WAC: variants seen among roughly 807,000 people sequenced by gnomAD.
The protein encoded by WAC is WW domain containing adaptor with coiled-coil.
In WAC, 11 loss-of-function variants were observed where a neutral mutation model predicts 79.6. That is an observed-to-expected ratio of 0.14 (90% CI 0.09 to 0.23). The LOEUF is 0.23. WAC is among the 10% of genes least tolerant of loss of function. The pLI is 1.00. For missense variants in WAC, 728 were observed against 773.5 expected (o/e 0.94, Z 0.70); for synonymous variants, 304 against 276.9 (o/e 1.10, Z -0.97).
rs184554628 is a variant in WAC at position 28,544,835 on chromosome 10, G to T, written c.274+9078G>T. Among the ~76,000 whole-genome samples, 7 of 152,152 alleles carry T rather than the reference G, an allele frequency of 4.6e-5. No homozygotes were observed. In the East Asian group the frequency reaches 7.7e-4, roughly 17 times the overall value. On this transcript the variant is annotated intron_variant, in intron 3 of 13. Coordinates refer to ENST00000354911, the MANE Select transcript of WAC (RefSeq NM_016628.5). ...TGCCAGCACTTTGGGAGGCCAAGGC[G>T]GGCAGATCACCTGAGCTCAGGAGTT...
At chr10:28,613,254 C>CT (rs1396039965) in intron 10 of WAC, among the ~76,000 whole-genome samples, 1 of 152,220 alleles carries the variant, frequency 6.6e-6, no homozygotes, top group African/African-American at 2.4e-5. Flanking sequence ...ATAATCCCAG[C>CT]TACTCGGGCG....
chr10:28,581,366 A>G (rs531625160), intron 3 of WAC, among the ~76,000 whole-genome samples: 1 of 147,380 alleles, frequency 6.8e-6, no homozygotes, highest in South Asian at 2.2e-4. Flanking sequence ...GGACTAGTGC[A>G]AGCCACTGTG....
At chr10:28,539,848 C>T (rs568147402) in intron 3 of WAC, among the ~76,000 whole-genome samples, 6 of 152,194 alleles carry the variant, frequency 3.9e-5, no homozygotes, top group Admixed American at 1.3e-4. Context: ...CGTGAGTCAC[C>T]GCGCCTGGCC....
chr10:28,591,847 A>G (rs1457310552), intron 6 of WAC: 1 of 150,816 alleles, frequency 6.6e-6, no homozygotes, highest in African/African-American at 2.4e-5. Flanking sequence ...AAAAAAAAAA[A>G]AAAAAAAAAA....
chr10:28,569,342 A>G (rs1212554422), intron 3 of WAC, among the ~76,000 whole-genome samples: 1 of 152,212 alleles, frequency 6.6e-6, no homozygotes, highest in African/African-American at 2.4e-5. Flanking sequence ...ACATTCATCT[A>G]TTCCTACAAT....
At chr10:28,553,953 C>A (rs931046491) in intron 3 of WAC, among the ~76,000 whole-genome samples, 6 of 152,116 alleles carry the variant, frequency 3.9e-5, no homozygotes, top group Non-Finnish European at 8.8e-5. Context: ...ACTGCAGCCT[C>A]CACCTCCCAG....
At chr10:28,548,286 C>G (rs972856022) in intron 3 of WAC, among the ~76,000 whole-genome samples, 2 of 152,090 alleles carry the variant, frequency 1.3e-5, no homozygotes, top group Non-Finnish European at 2.9e-5. Context: ...TTTTGTCTAA[C>G]CCTATCCGTT....
At chr10:28,602,249 T>G (rs1041774785) in intron 7 of WAC, among the ~76,000 whole-genome samples, 1 of 152,218 alleles carries the variant, frequency 6.6e-6, no homozygotes, top group African/African-American at 2.4e-5. Context: ...TTGCTTATCT[T>G]TTGTGTGTAT....
In WAC at chr10:28,619,752, A is replaced by G. The variant is rs751844563; in HGVS notation, c.*146A>G. On this transcript the variant is annotated 3_prime_UTR_variant, in exon 14 of 14. Coordinates refer to ENST00000354911, the MANE Select transcript of WAC (RefSeq NM_016628.5). ...AAGGGGACGGGGTCTGTGAGAGTCA[A>G]TTCAGGGGAAAGATACAAGATTGAT... 3.9e-5 allele frequency: 22 copies of G among 558,778 alleles called. No homozygotes were observed. The highest frequency in any genetic ancestry group is 7.9e-5 in the Admixed American group (2 of 25,222). The allele number at this position is 558,778 out of a possible 1,614,324, so 34.6% of individuals were successfully genotyped here.
intron 11 of WAC, 58 bp from the exon 12 acceptor site, chr10:28,616,115 G>C: frequency 7.3e-7 from 1 of 1,377,056 alleles, no homozygotes; most frequent in Non-Finnish European, 9.7e-7. Context: ...CAGTTTCTAG[G>C]ATAAGGATAC....
intron 7 of WAC, among the ~76,000 whole-genome samples, chr10:28,605,634 A>G (rs1281155186): frequency 6.6e-6 from 1 of 152,068 alleles, no homozygotes; most frequent in East Asian, 1.9e-4. Context: ...TGTTTTTGTT[A>G]TTTTTTGTTA....
chr10:28,538,970 A>G (rs1836849135), intron 3 of WAC, among the ~76,000 whole-genome samples: 1 of 152,130 alleles, frequency 6.6e-6, no homozygotes, highest in South Asian at 2.1e-4. Context: ...AAGCATGTAA[A>G]AAACTTAAGA....
chr10:28,569,414 A>G (rs1384298469), intron 3 of WAC, among the ~76,000 whole-genome samples: 1 of 152,264 alleles, frequency 6.6e-6, no homozygotes, highest in African/African-American at 2.4e-5. Flanking sequence ...TTTTGATAGC[A>G]TATTTTAAAG....
At chr10:28,596,082 T>TTC in intron 7 of WAC, 41 bp downstream of exon 7, 2 of 1,549,350 alleles carry the variant, frequency 1.3e-6, no homozygotes, top group Middle Eastern at 3.5e-4. Flanking sequence ...GAACTATAGT[T>TTC]TCTAAGTTTC....
chr10:28,556,865 C>T (rs1201435143), intron 3 of WAC, among the ~76,000 whole-genome samples: 2 of 152,114 alleles, frequency 1.3e-5, no homozygotes, highest in East Asian at 3.9e-4. Context: ...CTTATTTGAC[C>T]GTGGAAGCAT....
intron 4 of WAC, chr10:28,589,090 C>A (rs1253557101): frequency 6.6e-6 from 1 of 152,184 alleles, no homozygotes; most frequent in Non-Finnish European, 1.5e-5. Context: ...CTGGAAGAGA[C>A]TGTACCTGAG....
chr10:28,533,934 C>T, intron 1 of WAC, 64 bp from the exon 2 acceptor site: 1 of 1,586,726 alleles, frequency 6.3e-7, no homozygotes. Context: ...GCCCCGTTTT[C>T]TTCCTCCCCG....
chr10:28,617,610 TATGTTA>T, intron 12 of WAC, 41 bp from the exon 13 acceptor site: 1 of 1,474,654 alleles, frequency 6.8e-7, no homozygotes, highest in Non-Finnish European at 9.0e-7. Flanking sequence ...TTATTTTGTG[TATGTTA>T]ATGTTTATAT....
intron 10 of WAC, among the ~76,000 whole-genome samples, chr10:28,612,957 T>TAC: frequency 6.6e-6 from 1 of 152,096 alleles, no homozygotes; most frequent in Non-Finnish European, 1.5e-5. Flanking sequence ...GTAGTATTGG[T>TAC]TTTATAGTCA....
Sources: allele counts gnomAD v4.1 joint callset (sites outside exome capture counted in the v4.1 genomes callset), GRCh38; gene constraint gnomAD v4.1.1; transcripts MANE v1.5; gene names NCBI Gene and HGNC (gene_info 2026-07-23, HGNC 2026-07-21).